ARL15: variants seen among roughly 807,000 people sequenced by gnomAD.
The protein encoded by ARL15 is ADP-ribosylation factor-like protein 15.
A neutral mutation model predicts 25.2 loss-of-function variants in ARL15; 19 were observed. The observed-to-expected ratio is 0.75, with a 90% CI of 0.53 to 1.10. ARL15 has a LOEUF of 1.10. Among genes scored for constraint, ARL15 ranks in the 50% least tolerant of loss-of-function variants. ARL15 has a pLI of 0.00. For synonymous variants in ARL15, 94 were observed against 86.8 expected (o/e 1.08, Z -0.46); for missense variants, 220 against 246.0 (o/e 0.89, Z 0.71).
At chr5:54,204,729 C>A (rs188569155) in intron 1 of ARL15, among the ~76,000 whole-genome samples, 1 of 152,168 alleles carries the variant, frequency 6.6e-6, no homozygotes, top group African/African-American at 2.4e-5. Flanking sequence ...AAAAGCACAC[C>A]GTAGGTATTG....
chr5:54,151,452 G>A (rs1443363579), intron 3 of ARL15, among the ~76,000 whole-genome samples: 1 of 152,060 alleles, frequency 6.6e-6, no homozygotes, highest in Non-Finnish European at 1.5e-5. Flanking sequence ...GATGAGGGCT[G>A]TGCTTAGATC....
intron 1 of ARL15, among the ~76,000 whole-genome samples, chr5:54,222,970 TCAC>T (rs1165129404): frequency 6.8e-6 from 1 of 146,192 alleles, no homozygotes; most frequent in Non-Finnish European, 1.5e-5. Context: ...CAGGCACGCG[TCAC>T]TATGCCTGGA....
At chr5:53,900,734 C>G (rs540745455) in intron 4 of ARL15, among the ~76,000 whole-genome samples, 1 of 151,980 alleles carries the variant, frequency 6.6e-6, no homozygotes, top group African/African-American at 2.4e-5. Context: ...GAGAAGTTAC[C>G]AGTCTTCCCA....
chr5:54,012,304 T>C lies in ARL15; in HGVS notation c.462+100898A>G, dbSNP rs1327049982. On this transcript the variant is annotated intron_variant, in intron 4 of 4. Coordinates refer to ENST00000504924, the MANE Select transcript of ARL15 (RefSeq NM_019087.3). ...TAAAGATTCTATAACTGGCTGATAGTCCTCTTCATGGTTTTGATTGTTTTA... is the reference window on the plus strand; with the variant it reads ...TAAAGATTCTATAACTGGCTGATAGCCCTCTTCATGGTTTTGATTGTTTTA... 2.0e-5 allele frequency among the ~76,000 whole-genome samples: 3 copies of C among 152,264 alleles called. No homozygotes were observed. In the East Asian group the frequency reaches 5.8e-4, roughly 30 times the overall value.
chr5:53,992,832 G>GA (rs751117267), intron 4 of ARL15, among the ~76,000 whole-genome samples: 6,174 of 120,868 alleles, frequency 0.051, 148 homozygotes, highest in Non-Finnish European at 0.076. Flanking sequence ...AGGCCGAGGT[G>GA]GGTCGGGAGT....
chr5:53,903,590 A>G (rs1202334391), intron 4 of ARL15, among the ~76,000 whole-genome samples: 1 of 152,166 alleles, frequency 6.6e-6, no homozygotes, highest in East Asian at 1.9e-4. Flanking sequence ...CAGAGAACAA[A>G]CCCCTGTTAA....
At chr5:54,196,619 T>A (rs1755557112) in intron 1 of ARL15, among the ~76,000 whole-genome samples, 1 of 152,136 alleles carries the variant, frequency 6.6e-6, no homozygotes, top group East Asian at 1.9e-4. Context: ...CTTAAAAAAT[T>A]ATTAAAATTT....
At chr5:53,933,422 G>A (rs1435600917) in intron 4 of ARL15, among the ~76,000 whole-genome samples, 2 of 152,126 alleles carry the variant, frequency 1.3e-5, no homozygotes, top group Admixed American at 6.5e-5. Context: ...CGAGGTGGGC[G>A]ATCACGAGGT....
chr5:53,915,011 A>G (rs1418741720), intron 4 of ARL15, among the ~76,000 whole-genome samples: 4 of 152,148 alleles, frequency 2.6e-5, no homozygotes, highest in African/African-American at 7.2e-5. Context: ...GGGCTTCACC[A>G]TGTTGGCCAG....
At chr5:53,995,611 T>A (rs1199675527) in intron 4 of ARL15, among the ~76,000 whole-genome samples, 8 of 152,166 alleles carry the variant, frequency 5.3e-5, no homozygotes, top group Non-Finnish European at 1.2e-4. Context: ...TCAAGAGTAG[T>A]TTATCATAGT....
intron 4 of ARL15, among the ~76,000 whole-genome samples, chr5:54,026,070 G>A (rs765900895): frequency 1.3e-5 from 2 of 152,076 alleles, no homozygotes; most frequent in Non-Finnish European, 2.9e-5. Flanking sequence ...AATTTCATGC[G>A]TTAAATCATT....
At chr5:54,116,040 C>T (rs1752889658) in intron 3 of ARL15, among the ~76,000 whole-genome samples, 1 of 152,172 alleles carries the variant, frequency 6.6e-6, no homozygotes, top group Non-Finnish European at 1.5e-5. Flanking sequence ...AGAAATCTAG[C>T]CTCAGCTTGA....
intron 4 of ARL15, among the ~76,000 whole-genome samples, chr5:54,070,739 GGAGGCT>G (rs1425822771): frequency 1.3e-5 from 2 of 152,146 alleles, no homozygotes; most frequent in Middle Eastern, 3.4e-3. Flanking sequence ...CAGCTACTTG[GGAGGCT>G]GAGGTACGAG....
intron 4 of ARL15, among the ~76,000 whole-genome samples, chr5:53,908,977 G>T (rs956110214): frequency 6.6e-6 from 1 of 152,100 alleles, no homozygotes; most frequent in African/African-American, 2.4e-5. Context: ...CATCAAGTTT[G>T]GTCCTGTTCA....
At chr5:53,971,440 A>C (rs959070504) in intron 4 of ARL15, among the ~76,000 whole-genome samples, 5 of 152,200 alleles carry the variant, frequency 3.3e-5, no homozygotes, top group Admixed American at 2.0e-4. Flanking sequence ...ATTAGACAAC[A>C]AAAGCATTTA....
At chr5:54,006,305 C>T (rs1051922392) in intron 4 of ARL15, among the ~76,000 whole-genome samples, 1 of 151,836 alleles carries the variant, frequency 6.6e-6, no homozygotes, top group South Asian at 2.1e-4. Context: ...AAAAGCCACA[C>T]CAGAAAAATT....
intron 4 of ARL15, among the ~76,000 whole-genome samples, chr5:53,887,822 T>C (rs934918004): frequency 1.3e-5 from 2 of 152,182 alleles, no homozygotes; most frequent in African/African-American, 4.8e-5. Flanking sequence ...ATCTCCACTT[T>C]AAATGCCATG....
At chr5:53,931,755 G>A (rs2112052973) in intron 4 of ARL15, among the ~76,000 whole-genome samples, 1 of 152,326 alleles carries the variant, frequency 6.6e-6, no homozygotes, top group East Asian at 1.9e-4. Context: ...ATAAGTAGGG[G>A]TCAGACATTT....
intron 4 of ARL15, among the ~76,000 whole-genome samples, chr5:54,107,426 C>T (rs369222094): frequency 2.6e-5 from 4 of 151,990 alleles, no homozygotes; most frequent in African/African-American, 9.7e-5. Flanking sequence ...GAATTACATT[C>T]GATTCCAGAA....
Sources: gnomAD v4.1 joint callset for allele counts (sites outside exome capture counted in the v4.1 genomes callset) on GRCh38, gnomAD v4.1.1 for gene constraint, MANE v1.5 for transcripts, NCBI Gene and HGNC (gene_info 2026-07-23, HGNC 2026-07-21) for gene names.